COX15: variants seen among roughly 807,000 people sequenced by gnomAD.
The protein encoded by COX15 is heme A synthase COX15.
A neutral mutation model predicts 51.9 loss-of-function variants in COX15; 51 were observed. The ratio of observed to expected loss-of-function variants is 0.98; its 90% CI spans 0.78 to 1.24. COX15 has a LOEUF of 1.24. COX15 is among the 50% of genes most tolerant of loss of function. The pLI, the probability that COX15 is intolerant of heterozygous loss-of-function variation, is 0.00. For missense variants in COX15, 420 were observed against 501.1 expected (o/e 0.84, Z 1.55); for synonymous variants, 188 against 190.5 (o/e 0.99, Z 0.11).
rs895177427 is a variant in COX15, at chr10:99,711,444, T to C, written c.*3143A>G. 7.1e-6 allele frequency: 7 copies of C among 985,264 alleles called. No homozygotes were observed. In the African/African-American group the frequency reaches 1.0e-4, roughly 15 times the overall value. The allele number at this position is 985,264 out of a possible 1,614,324, so 61.0% of individuals were successfully genotyped here. On this transcript the variant is annotated 3_prime_UTR_variant, in exon 9 of 9. Transcript: ENST00000016171. ...GAAGGATTCTATCCAGAAGAGACCA[T>C]ATCCTACTAACATACTAATAGGAGC...
At chr10:99,717,120 C>T (rs2036604020) in intron 7 of COX15, among the ~76,000 whole-genome samples, 1 of 152,192 alleles carries the variant, frequency 6.6e-6, no homozygotes, top group Non-Finnish European at 1.5e-5. Context: ...TCAGCCCACA[C>T]CAGGTAACAT....
At chr10:99,700,370 A>ATTTTATTTTATTCCT in the COX15 span, among the ~76,000 whole-genome samples, 1 of 148,746 alleles carries the variant, frequency 6.7e-6, no homozygotes. Flanking sequence ...TTTTTCCCTG[A>ATTTTATTTTATTCCT]GCATTTATGT....
At chr10:99,724,468 C>A (rs1432580292) in intron 4 of COX15, among the ~76,000 whole-genome samples, 1 of 152,182 alleles carries the variant, frequency 6.6e-6, no homozygotes, top group East Asian at 1.9e-4. Context: ...GCGTAAGCCA[C>A]CACACCCGGC....
chr10:99,704,765 TG>T, the COX15 span: 1 of 1,254,344 alleles, frequency 8.0e-7, no homozygotes. Context: ...TAGCCTCAGA[TG>T]CTGTGATGTC....
At chr10:99,723,925 T>C in intron 5 of COX15, 31 bp downstream of exon 5, 1 of 1,612,360 alleles carries the variant, frequency 6.2e-7, no homozygotes, top group Non-Finnish European at 8.5e-7. Flanking sequence ...AAGCGGGGTC[T>C]TGAACACAGA....
At position 99,712,562 on chromosome 10, in the gene COX15, T is replaced by A. The variant is rs2036428899; in HGVS notation, c.*2025A>T. 1.0e-6 allele frequency: 1 copy of A among 984,776 alleles called. No homozygotes were observed. The highest frequency in any genetic ancestry group is 1.2e-6 in the Non-Finnish European group (1 of 829,436). 61.0% of individuals were successfully genotyped at this position (984,776 alleles called of 1,614,324 possible). On this transcript the variant is annotated 3_prime_UTR_variant, in exon 9 of 9. Transcript: ENST00000016171. ...CAGATGTTCTTCCTTTGTATTTGTA[T>A]TGTCACTGTATGGAATCTAGGTATA...
intron 4 of COX15, among the ~76,000 whole-genome samples, chr10:99,725,603 G>A (rs1295371580): frequency 1.3e-5 from 2 of 151,998 alleles, no homozygotes; most frequent in Non-Finnish European, 2.9e-5. Flanking sequence ...TGTTGCCCAG[G>A]CTGGAGTGCA....
In COX15 at chr10:99,711,543, A is replaced by T; in HGVS notation, c.*3044T>A. The T allele has an allele frequency of 2.0e-6, 2 of 985,474 alleles. No individual in the cohort carries two copies. The highest frequency in any genetic ancestry group is 2.4e-6 in the Non-Finnish European group (2 of 829,942). 61.0% of individuals were successfully genotyped at this position (985,474 alleles called of 1,614,324 possible). A position where few individuals can be genotyped will look rare whatever the true frequency, so the allele number is the denominator to read the frequency against. ...GGAATAAGCTAGTCAGAACTTTCTA[A>T]GGTAACTAGGCTATTAGGACCTAAG... On this transcript the variant is annotated 3_prime_UTR_variant, in exon 9 of 9. Transcript: ENST00000016171.
chr10:99,729,429 C>T, intron 2 of COX15, 124 bp downstream of exon 2: 1 of 1,054,174 alleles, frequency 9.5e-7, no homozygotes, highest in South Asian at 1.3e-5. Flanking sequence ...CACTGCACTC[C>T]AGCCTGGCCA....
At position 99,727,157 on chromosome 10, in the gene COX15, G is replaced by C. The variant is rs200910834; in HGVS notation, c.396-3C>G. ...TCAGTGTCATATCATGATTCAAGCT[G>C]GGTGAAATGGAAAGTCAAAAAAGGA... On this transcript the variant is annotated splice_region_variant and splice_polypyrimidine_tract_variant and intron_variant, in intron 3 of 8. Coordinates refer to ENST00000016171, the MANE Select transcript of COX15 (RefSeq NM_078470.6). The C allele has an allele frequency of 1.8e-4, 291 of 1,613,982 alleles. No homozygotes were observed. Among genetic ancestry groups the C allele is most frequent in the Non-Finnish European group, 2.3e-4 (269 of 1,179,906 alleles).
Position 99,714,034 on chromosome 10 carries a change from A to G in COX15, c.*553T>C, listed in dbSNP as rs1373229175. On this transcript the variant is annotated 3_prime_UTR_variant, in exon 9 of 9. Transcript: ENST00000016171. Reference sequence around the variant, plus strand: ...CTCCTTTTCCAAGTACTTAAAAACCATTTTGCTACATATACACATTAAGCT... The same window carrying G: ...CTCCTTTTCCAAGTACTTAAAAACCGTTTTGCTACATATACACATTAAGCT... 6 of 1,000,878 alleles carry G rather than the reference A, an allele frequency of 6.0e-6. No individual in the cohort carries two copies. Among genetic ancestry groups the G allele is most frequent in the East Asian group, 1.0e-4 (1 of 9,548 alleles). The allele number at this position is 1,000,878 out of a possible 1,614,324, so 62.0% of individuals were successfully genotyped here.
the COX15 span, among the ~76,000 whole-genome samples, chr10:99,695,084 G>T: frequency 6.6e-6 from 1 of 152,172 alleles, no homozygotes; most frequent in Non-Finnish European, 1.5e-5. Flanking sequence ...AATGTGGAAT[G>T]AGCTGAGGAA....
chr10:99,720,863 G>T, intron 6 of COX15, 124 bp downstream of exon 6: 1 of 785,238 alleles, frequency 1.3e-6, no homozygotes. Flanking sequence ...GAAGATGGGG[G>T]AATGAGAGAA....
At chr10:99,706,028 T>C (rs1418039706), downstream of COX15, 1 of 152,216 alleles carries the variant, frequency 6.6e-6, no homozygotes, top group African/African-American at 2.4e-5. Flanking sequence ...TCCACGAATA[T>C]GCTCCCACGG....
chr10:99,731,856 G>GT, intron 1 of COX15, 104 bp downstream of exon 1: 1 of 1,455,684 alleles, frequency 6.9e-7, no homozygotes, highest in Non-Finnish European at 9.4e-7. Flanking sequence ...TGAGTGCACT[G>GT]TAAGGAGCTC....
At chr10:99,723,679 C>T (rs1421545972) in intron 5 of COX15, among the ~76,000 whole-genome samples, 1 of 152,124 alleles carries the variant, frequency 6.6e-6, no homozygotes. Context: ...AACAATATAG[C>T]TCTTGTCCAC....
Position 99,713,189 on chromosome 10 carries a change from C to G in COX15, c.*1398G>C. 7.2e-7 allele frequency: 1 copy of G among 1,381,526 alleles called. No individual in the cohort carries two copies. Among genetic ancestry groups the G allele is most frequent in the Non-Finnish European group, 9.4e-7 (1 of 1,059,366 alleles). The allele number at this position is 1,381,526 out of a possible 1,614,324, so 85.6% of individuals were successfully genotyped here. On this transcript the variant is annotated 3_prime_UTR_variant, in exon 9 of 9. Transcript: ENST00000016171. ...TCATATAATAACAACATGAATACTA[C>G]TTGGTTCATATTGAACCTGAGGACA... is the stretch of plus-strand genomic sequence containing the variant.
In COX15 at chr10:99,718,353, C is replaced by T. The variant is rs199761049; in HGVS notation, c.980G>A (p.Arg327Gln). ...ACCACCAACTACACTTACCAGAATC[C>T]GGTGATCAAACTGCACCATGGTGGG... ...ENPTMVQFDH[R>Q]ILGITSVTAI... Residue 327 changes from arginine (R) to glutamine (Q), a missense_variant, in exon 7 of 9, where the codon CGG becomes CAG. Arg to Gln is a conservative substitution (Grantham distance 43). Transcript: ENST00000016171. 10 of 1,614,100 alleles carry T rather than the reference C, an allele frequency of 6.2e-6. No homozygotes were observed. In the East Asian group the frequency reaches 1.1e-4, roughly 18 times the overall value.
chr10:99,710,146 T>G (rs1056844), downstream of COX15: 116,518 of 985,296 alleles, frequency 0.12, 7,455 homozygotes, highest in East Asian at 0.21. Context: ...CTCCTCCTTC[T>G]CCACTCCAAG....
Sources: gnomAD v4.1 joint callset for allele counts (sites outside exome capture counted in the v4.1 genomes callset) on GRCh38, gnomAD v4.1.1 for gene constraint, MANE v1.5 for transcripts, NCBI Gene and HGNC (gene_info 2026-07-23, HGNC 2026-07-21) for gene names.